Variants in CELF4 observed in about 807,000 individuals in gnomAD.
The protein encoded by CELF4 is CUG-BP- and ETR-3-like factor 4.
CELF4 carries 18 observed loss-of-function variants against 59.9 expected under a neutral mutation model. That is an observed-to-expected ratio of 0.30 (90% CI 0.21 to 0.45). The LOEUF is 0.45. Ranked by LOEUF, CELF4 falls within the 20% of genes least tolerant of loss-of-function variation. The pLI, the probability that CELF4 is intolerant of heterozygous loss-of-function variation, is 1.00. For missense variants in CELF4, 456 were observed against 689.0 expected, an observed-to-expected ratio of 0.66 and a Z score of 3.79; for synonymous variants, 261 against 267.1, an observed-to-expected ratio of 0.98 and a Z score of 0.22.
At chr18:37,277,375 G>C (rs1257406587) in intron 3 of CELF4, among the ~76,000 whole-genome samples, 5 of 152,188 alleles carry the variant, frequency 3.3e-5, no homozygotes, top group Admixed American at 3.3e-4. Flanking sequence ...GGCTTGGCAA[G>C]ACTTTGGGGC....
chr18:37,313,566 T>C (rs1411705364), intron 3 of CELF4, among the ~76,000 whole-genome samples: 1 of 152,154 alleles, frequency 6.6e-6, no homozygotes, highest in Non-Finnish European at 1.5e-5. Context: ...TCAGCAGTTG[T>C]GGCTAGGGGT....
intron 12 of CELF4, among the ~76,000 whole-genome samples, chr18:37,249,743 G>A (rs763346180): frequency 5.7e-4 from 87 of 152,092 alleles, no homozygotes; most frequent in Admixed American, 1.4e-3. Flanking sequence ...TGGGATCACT[G>A]ACCGGCATGG....
At chr18:37,300,077 T>C (rs900703172) in intron 3 of CELF4, among the ~76,000 whole-genome samples, 3 of 152,168 alleles carry the variant, frequency 2.0e-5, no homozygotes, top group Non-Finnish European at 4.4e-5. Context: ...TGAGGTTCCT[T>C]AAAGGTGGGG....
At position 37,245,297 on chromosome 18, in the gene CELF4, C is replaced by G. The variant is rs2061618318; in HGVS notation, c.*45-100G>C. 6.6e-6 allele frequency: 1 copy of G among 151,880 alleles called. No individual in the cohort carries two copies. Among genetic ancestry groups the G allele is most frequent in the African/African-American group, 2.4e-5 (1 of 41,308 alleles). 9.4% of individuals were successfully genotyped at this position (151,880 alleles called of 1,614,324 possible). On this transcript the variant is annotated intron_variant, in intron 12 of 12. Transcript: ENST00000420428. The surrounding 1 kb of genome is among the most constrained non-coding windows in gnomAD (Gnocchi z 4.1). The stretch of plus-strand genomic sequence containing the variant: ...TGCCTCAGGGGCTAGGATGGGAGCT[C>G]TAGGGGATGGTGGGAGGGAAGGAAG...
At chr18:37,490,878 G>A (rs1210362031) in intron 1 of CELF4, among the ~76,000 whole-genome samples, 2 of 152,124 alleles carry the variant, frequency 1.3e-5, no homozygotes, top group Non-Finnish European at 2.9e-5. Context: ...TGTCTGGGAT[G>A]GTTCTCCCGG....
chr18:37,512,611 CCTT>C (rs2154604350), intron 1 of CELF4, among the ~76,000 whole-genome samples: 1 of 151,608 alleles, frequency 6.6e-6, no homozygotes, highest in East Asian at 2.0e-4. Context: ...TCTTTCTCCT[CCTT>C]CTCCTCCTCC....
At chr18:37,273,866 G>C (rs2092414296) in intron 6 of CELF4, 1 of 1,001,226 alleles carries the variant, frequency 1.0e-6, no homozygotes, top group African/African-American at 1.7e-5. Flanking sequence ...CAGAAGTGTG[G>C]GTGTGTAGGG....
At chr18:37,348,929 C>G (rs565492962) in intron 2 of CELF4, among the ~76,000 whole-genome samples, 1 of 152,256 alleles carries the variant, frequency 6.6e-6, no homozygotes, top group East Asian at 1.9e-4. Context: ...TCTCTCTCCC[C>G]TCTCTCATGC....
intron 1 of CELF4, among the ~76,000 whole-genome samples, chr18:37,564,969 C>CT (rs1189802857): frequency 2.0e-5 from 3 of 152,134 alleles, no homozygotes; most frequent in Non-Finnish European, 4.4e-5. Flanking sequence ...ACCCTCGGTC[C>CT]TCGGCCGGCC....
chr18:37,561,671 T>C (rs2099986581), intron 1 of CELF4, among the ~76,000 whole-genome samples: 2 of 152,170 alleles, frequency 1.3e-5, no homozygotes, highest in South Asian at 2.1e-4. Context: ...CTTTTTGTTC[T>C]ACAGGAAATG....
intron 2 of CELF4, among the ~76,000 whole-genome samples, chr18:37,322,410 C>T (rs1195368818): frequency 6.6e-6 from 1 of 152,244 alleles, no homozygotes; most frequent in Non-Finnish European, 1.5e-5. Context: ...GGCCGTCCAG[C>T]TCCATGGTTA....
intron 2 of CELF4, among the ~76,000 whole-genome samples, chr18:37,470,545 G>A (rs1376385253): frequency 2.0e-5 from 3 of 152,170 alleles, no homozygotes; most frequent in African/African-American, 7.2e-5. Flanking sequence ...AGACCCAAAT[G>A]TGGCATCCCA....
intron 1 of CELF4, among the ~76,000 whole-genome samples, chr18:37,556,899 T>G (rs1256126330): frequency 6.6e-6 from 1 of 152,188 alleles, no homozygotes; most frequent in Non-Finnish European, 1.5e-5. Context: ...GTAAGTCACC[T>G]GTCAGTTTGT....
chr18:37,523,158 G>A (rs1178311209), intron 1 of CELF4, among the ~76,000 whole-genome samples: 1 of 152,194 alleles, frequency 6.6e-6, no homozygotes, highest in Non-Finnish European at 1.5e-5. Context: ...ACGTGGGCTT[G>A]GTTGGGACCC....
rs769428784 is a variant in CELF4 at position 37,253,443 on chromosome 18, C to A, written c.*44+324G>T. 6.6e-6 allele frequency among the ~76,000 whole-genome samples: 1 copy of A among 152,200 alleles called. No individual in the cohort carries two copies. The highest frequency in any genetic ancestry group is 1.5e-5 in the Non-Finnish European group (1 of 68,032). On this transcript the variant is annotated intron_variant, in intron 12 of 12. Transcript: ENST00000420428. This position sits in a 1 kb window ranked among gnomAD's most constrained non-coding sequence, Gnocchi z 4.5. ...AACCTCCCTCAGCCTGAGCTTGCCA[C>A]CTGTTCACCCCAGGGTTCTCTGGCC...
chr18:37,412,340 G>A (rs1278157821), intron 2 of CELF4, among the ~76,000 whole-genome samples: 1 of 152,220 alleles, frequency 6.6e-6, no homozygotes, highest in South Asian at 2.1e-4. Flanking sequence ...CCCAATAAGA[G>A]TGGAGATTCC....
At chr18:37,307,334 C>A (rs1313216333) in intron 3 of CELF4, among the ~76,000 whole-genome samples, 1 of 152,160 alleles carries the variant, frequency 6.6e-6, no homozygotes, top group Non-Finnish European at 1.5e-5. Flanking sequence ...CTGTGTCACT[C>A]AGCGAAAATG....
In CELF4 at chr18:37,475,223, G is replaced by A. The variant is rs536822189; in HGVS notation, c.369+10302C>T. On this transcript the variant is annotated intron_variant, in intron 2 of 12. Coordinates refer to ENST00000420428, the MANE Select transcript of CELF4 (RefSeq NM_020180.4). The stretch of plus-strand genomic sequence containing the variant: ...ATTTGCACTCAAATGCTTGTCTACA[G>A]TCTGCTTCTGGGGGCGCTCCAACTA... 7.0e-4 allele frequency among the ~76,000 whole-genome samples: 106 copies of A among 152,328 alleles called. 1 individual carries two copies. Among genetic ancestry groups the A allele is most frequent in the African/African-American group, 2.2e-3 (91 of 41,570 alleles).
At chr18:37,485,276 C>T (rs950046229) in intron 2 of CELF4, among the ~76,000 whole-genome samples, 3 of 151,834 alleles carry the variant, frequency 2.0e-5, no homozygotes, top group Admixed American at 6.6e-5. Flanking sequence ...CGGGACGCGC[C>T]GCTCCCCCGC....
Sources: gnomAD v4.1 joint callset for allele counts (sites outside exome capture counted in the v4.1 genomes callset) on GRCh38, gnomAD v4.1.1 for gene constraint, Gnocchi (gnomAD v3.1) non-coding constraint, MANE v1.5 for transcripts, NCBI Gene and HGNC (gene_info 2026-07-23, HGNC 2026-07-21) for gene names.